Variants in PSMD1 observed in about 807,000 individuals in gnomAD.
PSMD1 encodes proteasome 26S subunit, non-ATPase 1, also known as 26S proteasome non-ATPase regulatory subunit 1.
PSMD1 carries 18 observed loss-of-function variants against 119.0 expected under a neutral mutation model. That is an observed-to-expected ratio of 0.15 (90% CI 0.10 to 0.22). The LOEUF (loss-of-function observed/expected upper bound fraction) is 0.22. Among genes scored for constraint, PSMD1 ranks in the 10% least tolerant of loss-of-function variants. PSMD1 has a pLI of 1.00. For synonymous variants in PSMD1, 374 were observed against 396.6 expected, an observed-to-expected ratio of 0.94 and a Z score of 0.68; for missense variants, 702 against 1,158.5, an observed-to-expected ratio of 0.61 and a Z score of 5.72.
chr2:231,083,275 T>C (rs1694357606), intron 13 of PSMD1, among the ~76,000 whole-genome samples: 1 of 152,232 alleles, frequency 6.6e-6, no homozygotes, highest in African/African-American at 2.4e-5. Flanking sequence ...TGCTTGGCGA[T>C]AATATAGAAA....
At chr2:231,116,167 G>A (rs550230140) in intron 16 of PSMD1, among the ~76,000 whole-genome samples, 1 of 152,238 alleles carries the variant, frequency 6.6e-6, no homozygotes, top group East Asian at 1.9e-4. Context: ...TAGTGGAAAA[G>A]GACCTTGGAC....
At chr2:231,103,765 A>G (rs971541101) in intron 16 of PSMD1, among the ~76,000 whole-genome samples, 3 of 152,180 alleles carry the variant, frequency 2.0e-5, no homozygotes, top group Non-Finnish European at 4.4e-5. Context: ...TTTGTGTTTG[A>G]TCAGTCTTTC....
At chr2:231,103,973 G>T (rs923424652) in intron 16 of PSMD1, among the ~76,000 whole-genome samples, 1 of 152,102 alleles carries the variant, frequency 6.6e-6, no homozygotes, top group Admixed American at 6.5e-5. Flanking sequence ...GGTTCTTTGT[G>T]TGAATTATCA....
chr2:231,101,306 G>C (rs978873111), intron 16 of PSMD1, among the ~76,000 whole-genome samples: 4 of 152,092 alleles, frequency 2.6e-5, no homozygotes, highest in Admixed American at 6.6e-5. Context: ...GAATTTAACT[G>C]CCTTTAGCTA....
intron 16 of PSMD1, among the ~76,000 whole-genome samples, chr2:231,119,439 C>A (rs188881123): frequency 2.4e-4 from 37 of 152,266 alleles, no homozygotes; most frequent in African/African-American, 7.9e-4. Flanking sequence ...AAGTGACTTG[C>A]CTGATCCAAC....
intron 19 of PSMD1, among the ~76,000 whole-genome samples, chr2:231,159,190 C>T (rs1396583030): frequency 4.6e-5 from 7 of 152,166 alleles, no homozygotes; most frequent in African/African-American, 1.2e-4. Context: ...TAGGCACAGA[C>T]AAGCCCCATT....
chr2:231,168,141 C>G (rs1026139741), intron 23 of PSMD1, among the ~76,000 whole-genome samples: 3 of 152,172 alleles, frequency 2.0e-5, no homozygotes, highest in African/African-American at 7.2e-5. Flanking sequence ...ATTCTACCCA[C>G]CAGGATGGCT....
intron 6 of PSMD1, 100 bp from the exon 7 acceptor site, chr2:231,072,089 T>G (rs1694055066): frequency 1.0e-6 from 1 of 973,352 alleles, no homozygotes; most frequent in Admixed American, 2.3e-5. Context: ...TTGCCTGTGC[T>G]TATATTTTAA....
intron 7 of PSMD1, 135 bp downstream of exon 7, chr2:231,072,550 T>G (rs1467043888): frequency 1.3e-6 from 1 of 755,526 alleles, no homozygotes; most frequent in East Asian, 2.7e-5. Context: ...AAAGTCTTAT[T>G]AGGCTGTTGC....
chr2:231,069,377 A>T (rs768431606), intron 5 of PSMD1, among the ~76,000 whole-genome samples: 42 of 152,152 alleles, frequency 2.8e-4, no homozygotes, highest in Non-Finnish European at 5.4e-4. Context: ...TGATTTTATT[A>T]CGCAGTGGAA....
chr2:231,147,751 T>A (rs1696284832), intron 18 of PSMD1, among the ~76,000 whole-genome samples: 2 of 152,234 alleles, frequency 1.3e-5, no homozygotes, highest in Non-Finnish European at 2.9e-5. Flanking sequence ...TAATTAATCC[T>A]GCTCATATAA....
rs115325537 is a variant in PSMD1, at chr2:231,155,887, G to A, written c.2218+2221G>A. Among the ~76,000 whole-genome samples the A allele has an allele frequency of 4.6e-3, 701 of 152,046 alleles. 7 individuals are homozygous for A. Among genetic ancestry groups the A allele is most frequent in the African/African-American group, 0.015 (624 of 41,488 alleles). On this transcript the variant is annotated intron_variant, in intron 19 of 24. Transcript: ENST00000308696. ...ATAAATATTTTAGGTAAAGTAAACC[G>A]TTTCAATTCTAGATGGTATTGATTC...
chr2:231,165,037 TATATATATATATATATATA>T (rs1696736149), intron 21 of PSMD1, 144 bp from the exon 22 acceptor site: 30 of 7,990 alleles, frequency 3.8e-3, no homozygotes, highest in South Asian at 0.02. Context: ...TATATATTTA[TATATATATATATATATATA>T]TATATATATA....
At chr2:231,108,743 G>C in intron 16 of PSMD1, 2 of 1,614,102 alleles carry the variant, frequency 1.2e-6, no homozygotes, top group Non-Finnish European at 1.7e-6. Context: ...TTTTCTGAGA[G>C]TTTTTACTGA....
intron 12 of PSMD1, among the ~76,000 whole-genome samples, chr2:231,082,147 C>T (rs1316846502): frequency 3.9e-5 from 6 of 152,214 alleles, no homozygotes; most frequent in Non-Finnish European, 5.9e-5. Context: ...ACTGCAGCTT[C>T]AGCTTCCTGG....
At chr2:231,113,725 A>C in intron 16 of PSMD1, 1 of 1,612,152 alleles carries the variant, frequency 6.2e-7, no homozygotes, top group Non-Finnish European at 8.5e-7. Context: ...CATTCTCTAC[A>C]TACCTATTGA....
chr2:231,128,990 T>TA (rs1180340511), intron 16 of PSMD1, among the ~76,000 whole-genome samples: 7 of 152,226 alleles, frequency 4.6e-5, no homozygotes, highest in Non-Finnish European at 7.3e-5. Context: ...TGTTGTCCTT[T>TA]AATCAAAAGA....
chr2:231,160,471 C>T (rs1461122797), intron 19 of PSMD1, among the ~76,000 whole-genome samples: 1 of 152,058 alleles, frequency 6.6e-6, no homozygotes, highest in African/African-American at 2.4e-5. Flanking sequence ...TGCTTAGCAC[C>T]TAAAAGACCA....
chr2:231,111,111 C>G (rs1695142742), intron 16 of PSMD1, among the ~76,000 whole-genome samples: 2 of 152,222 alleles, frequency 1.3e-5, no homozygotes, highest in African/African-American at 4.8e-5. Flanking sequence ...CTTCTCTCCA[C>G]TGTTCCAGTG....
Sources: allele counts gnomAD v4.1 joint callset (sites outside exome capture counted in the v4.1 genomes callset), GRCh38; gene constraint gnomAD v4.1.1; transcripts MANE v1.5; gene names NCBI Gene and HGNC (gene_info 2026-07-23, HGNC 2026-07-21).